PDE4B: variants seen among roughly 807,000 people sequenced by gnomAD.
PDE4B encodes 3',5'-cyclic-AMP phosphodiesterase 4B.
Under a neutral mutation model 82.2 loss-of-function variants are expected in PDE4B, and 20 were observed. That is an observed-to-expected ratio of 0.24 (90% CI 0.17 to 0.35). The LOEUF is 0.35. Among genes scored for constraint, PDE4B ranks in the 10% least tolerant of loss-of-function variants. PDE4B has a pLI of 1.00. For synonymous variants in PDE4B, 320 were observed against 318.9 expected, an observed-to-expected ratio of 1.00 and a Z score of -0.04; for missense variants, 655 against 907.2, an observed-to-expected ratio of 0.72 and a Z score of 3.57.
intron 7 of PDE4B, among the ~76,000 whole-genome samples, chr1:66,316,389 T>G (rs536390330): frequency 7.2e-5 from 11 of 152,208 alleles, no homozygotes; most frequent in Non-Finnish European, 1.6e-4. Context: ...ACATCAAACC[T>G]TCACTAATGA....
chr1:66,056,433 G>A (rs1044870144), intron 3 of PDE4B, among the ~76,000 whole-genome samples: 7 of 152,088 alleles, frequency 4.6e-5, no homozygotes, highest in Non-Finnish European at 8.8e-5. Flanking sequence ...AATGAAGGCA[G>A]CATCTAGACA....
At chr1:66,314,010 C>T (rs1023848292) in intron 7 of PDE4B, among the ~76,000 whole-genome samples, 3 of 152,100 alleles carry the variant, frequency 2.0e-5, no homozygotes, top group Non-Finnish European at 4.4e-5. Flanking sequence ...TCTTGTGTCC[C>T]ACTCTAAGGC....
intron 2 of PDE4B, 74 bp downstream of exon 2, chr1:65,913,430 C>T: frequency 7.1e-7 from 1 of 1,412,266 alleles, no homozygotes; most frequent in Non-Finnish European, 1.0e-6. Context: ...ATTCAAAGGG[C>T]AGCTGGGGGC....
intron 3 of PDE4B, among the ~76,000 whole-genome samples, chr1:66,132,556 G>C (rs538471091): frequency 6.6e-6 from 1 of 152,082 alleles, no homozygotes; most frequent in African/African-American, 2.4e-5. Flanking sequence ...TGCTATAAAG[G>C]CCTGCAGATA....
chr1:66,253,686 T>G (rs1044387281), intron 4 of PDE4B, among the ~76,000 whole-genome samples: 2 of 152,248 alleles, frequency 1.3e-5, no homozygotes, highest in African/African-American at 4.8e-5. Flanking sequence ...TTTTAAAAAT[T>G]TATAATAGTT....
intron 1 of PDE4B, among the ~76,000 whole-genome samples, chr1:65,909,761 A>G (rs564017177): frequency 1.8e-4 from 28 of 152,344 alleles, no homozygotes; most frequent in African/African-American, 6.7e-4. Context: ...ATCTCAGATT[A>G]AGAGAACCTG....
chr1:65,942,607 GT>G (rs1459109192), intron 3 of PDE4B, among the ~76,000 whole-genome samples: 4 of 152,084 alleles, frequency 2.6e-5, no homozygotes, highest in Admixed American at 6.6e-5. Flanking sequence ...ACTTTCTACT[GT>G]TTTCCACAAT....
intron 1 of PDE4B, among the ~76,000 whole-genome samples, chr1:65,815,124 T>C (rs528578313): frequency 1.3e-4 from 19 of 151,830 alleles, no homozygotes; most frequent in East Asian, 9.7e-4. Context: ...TAGTTACATA[T>C]GTATACATGT....
intron 3 of PDE4B, among the ~76,000 whole-genome samples, chr1:66,045,807 C>T (rs992314896): frequency 3.3e-5 from 5 of 151,614 alleles, no homozygotes; most frequent in African/African-American, 7.3e-5. Flanking sequence ...TGGGAATGAA[C>T]GTGATAGGCA....
At chr1:66,199,940 T>C (rs967052537) in intron 3 of PDE4B, among the ~76,000 whole-genome samples, 5 of 152,172 alleles carry the variant, frequency 3.3e-5, no homozygotes, top group Non-Finnish European at 7.4e-5. Context: ...TCCTGAATAG[T>C]ATTGCCTAGG....
At chr1:65,868,664 C>T (rs952161984) in intron 1 of PDE4B, among the ~76,000 whole-genome samples, 3 of 152,180 alleles carry the variant, frequency 2.0e-5, no homozygotes, top group African/African-American at 7.2e-5. Flanking sequence ...GCCCCCAACC[C>T]CCAGGCTGCA....
In PDE4B at chr1:66,192,627, C is replaced by T. The variant is rs537935783; in HGVS notation, c.282-54833C>T. Reference sequence around the variant, plus strand: ...GTTCTCAAGAAATATAGGAAATATCCGTTAAAGTGAATATTCTTTTGACAA... The same window carrying T: ...GTTCTCAAGAAATATAGGAAATATCTGTTAAAGTGAATATTCTTTTGACAA... On this transcript the variant is annotated intron_variant, in intron 3 of 16. Coordinates refer to ENST00000341517, the MANE Select transcript of PDE4B (RefSeq NM_002600.4). Among the ~76,000 whole-genome samples the T allele has an allele frequency of 5.9e-5, 9 of 152,158 alleles. No homozygotes were observed. In the East Asian group the frequency reaches 1.3e-3, roughly 23 times the overall value.
chr1:65,944,241 T>C (rs1302834532), intron 3 of PDE4B, among the ~76,000 whole-genome samples: 1 of 151,944 alleles, frequency 6.6e-6, no homozygotes, highest in Non-Finnish European at 1.5e-5. Flanking sequence ...ATCGAGAGGA[T>C]CATATGGTTT....
Position 66,332,501 on chromosome 1 carries a change from T to C in PDE4B, c.635-7T>C, listed in dbSNP as rs1486961251. The C allele has an allele frequency of 6.2e-7, 1 of 1,614,178 alleles. No individual in the cohort carries two copies. Among genetic ancestry groups the C allele is most frequent in the Non-Finnish European group, 8.5e-7 (1 of 1,180,038 alleles). On this transcript the variant is annotated splice_polypyrimidine_tract_variant and splice_region_variant and intron_variant, in intron 7 of 16. Transcript: ENST00000341517. ...GCCTAACTACATGCCTGTGTGTTTG[T>C]TTGCAGAAGAATCTTATCAAAAATT...
intron 3 of PDE4B, among the ~76,000 whole-genome samples, chr1:66,016,906 G>C (rs1652811282): frequency 6.6e-6 from 1 of 152,168 alleles, no homozygotes; most frequent in Admixed American, 6.5e-5. Context: ...GAGGTGTTTA[G>C]GGATGGGTTT....
chr1:66,201,337 G>T (rs914924388), intron 3 of PDE4B, among the ~76,000 whole-genome samples: 3 of 151,828 alleles, frequency 2.0e-5, no homozygotes, highest in Non-Finnish European at 2.9e-5. Context: ...CCAGTCTTTG[G>T]TATCAGGATG....
intron 3 of PDE4B, among the ~76,000 whole-genome samples, chr1:66,224,779 A>G (rs1651299795): frequency 6.6e-6 from 1 of 152,232 alleles, no homozygotes; most frequent in Non-Finnish European, 1.5e-5. Context: ...ACTAATGACC[A>G]CAAATCTCAG....
chr1:65,944,723 G>T (rs889938558), intron 3 of PDE4B, among the ~76,000 whole-genome samples: 1 of 151,894 alleles, frequency 6.6e-6, no homozygotes, highest in African/African-American at 2.4e-5. Flanking sequence ...TAAGCATACT[G>T]CAGGTAAGTC....
At chr1:65,799,859 C>A (rs1340692204) in intron 1 of PDE4B, among the ~76,000 whole-genome samples, 1 of 152,200 alleles carries the variant, frequency 6.6e-6, no homozygotes, top group East Asian at 1.9e-4. Flanking sequence ...CCATAACACA[C>A]ACACATACAC....
Sources: allele counts gnomAD v4.1 joint callset (sites outside exome capture counted in the v4.1 genomes callset), GRCh38; gene constraint gnomAD v4.1.1; transcripts MANE v1.5; gene names NCBI Gene and HGNC (gene_info 2026-07-23, HGNC 2026-07-21).